Variants in REEP5 observed in about 807,000 individuals in gnomAD.
REEP5 encodes the protein receptor expression-enhancing protein 5.
In REEP5, 24 loss-of-function variants were observed where a neutral mutation model predicts 22.4. That is an observed-to-expected ratio of 1.07 (90% CI 0.78 to 1.51). The LOEUF is 1.51. Ranked by LOEUF, REEP5 falls within the 40% of genes most tolerant of loss-of-function variation. The pLI is 0.00. For missense variants in REEP5, 252 were observed against 233.0 expected (o/e 1.08, Z -0.53); for synonymous variants, 103 against 88.6 (o/e 1.16, Z -0.92).
chr5:112,886,943 G>T (rs1183796142), intron 4 of REEP5, 72 bp downstream of exon 4: 2 of 1,161,822 alleles, frequency 1.7e-6, no homozygotes, highest in African/African-American at 3.1e-5. Context: ...AGAAGGCCAG[G>T]AAGCCTGTTA....
At chr5:112,889,138 C>A (rs1227998762) in intron 3 of REEP5, among the ~76,000 whole-genome samples, 4 of 150,782 alleles carry the variant, frequency 2.7e-5, no homozygotes, top group African/African-American at 9.9e-5. Flanking sequence ...AAACCTCTTT[C>A]CTTTATAAAT....
chr5:112,893,094 T>TTAAAAAAAAAAA (rs781185558), intron 3 of REEP5: 3 of 501,520 alleles, frequency 6.0e-6, no homozygotes, highest in Non-Finnish European at 9.5e-6. Context: ...GTTTTGTTCT[T>TTAAAAAAAAAAA]AAAAAAAAAA....
chr5:112,891,343 G>C (rs1170996844), intron 3 of REEP5, among the ~76,000 whole-genome samples: 1 of 152,100 alleles, frequency 6.6e-6, no homozygotes, highest in Non-Finnish European at 1.5e-5. Flanking sequence ...AAAGTGCTGG[G>C]ATTACAGGAG....
intron 4 of REEP5, among the ~76,000 whole-genome samples, chr5:112,881,256 AAG>A (rs1451798048): frequency 6.6e-6 from 1 of 152,134 alleles, no homozygotes; most frequent in Non-Finnish European, 1.5e-5. Context: ...GAGTCCAGAG[AAG>A]AGAGGTCTGT....
intron 4 of REEP5, among the ~76,000 whole-genome samples, chr5:112,883,379 A>G (rs568615759): frequency 1.3e-5 from 2 of 152,326 alleles, no homozygotes; most frequent in South Asian, 2.1e-4. Context: ...TGACCTGTTG[A>G]CAGCATGTAA....
At chr5:112,893,266 C>T (rs1768557568) in intron 3 of REEP5, 1 of 277,492 alleles carries the variant, frequency 3.6e-6, no homozygotes, top group African/African-American at 2.3e-5. Flanking sequence ...AAAAATTAGC[C>T]AGGTGTGGTG....
intron 2 of REEP5, among the ~76,000 whole-genome samples, chr5:112,905,621 T>C (rs1004416084): frequency 6.7e-6 from 1 of 149,994 alleles, no homozygotes; most frequent in Non-Finnish European, 1.5e-5. Flanking sequence ...TTTAAAAAGA[T>C]TGATTGATTG....
chr5:112,901,946 G>A (rs1291128086), intron 3 of REEP5, among the ~76,000 whole-genome samples: 3 of 145,430 alleles, frequency 2.1e-5, no homozygotes, highest in African/African-American at 7.7e-5. Context: ...CTGGGCGACG[G>A]AGCAAGACTC....
intron 3 of REEP5, chr5:112,894,518 G>C (rs964587924): frequency 6.6e-6 from 1 of 152,218 alleles, no homozygotes; most frequent in African/African-American, 2.4e-5. Flanking sequence ...ATTATGATAT[G>C]CAGGAAATGT....
chr5:112,882,511 G>A (rs1267090887), intron 4 of REEP5, among the ~76,000 whole-genome samples: 2 of 152,196 alleles, frequency 1.3e-5, no homozygotes, highest in Admixed American at 1.3e-4. Flanking sequence ...CTATACCCAT[G>A]TAGCTGAGTA....
At chr5:112,880,757 A>G (rs1768049205) in intron 4 of REEP5, among the ~76,000 whole-genome samples, 1 of 152,206 alleles carries the variant, frequency 6.6e-6, no homozygotes, top group African/African-American at 2.4e-5. Context: ...ATGTGGGTGA[A>G]GTAGACAGAA....
chr5:112,904,354 A>G (rs1020346729), intron 2 of REEP5, among the ~76,000 whole-genome samples: 2 of 152,172 alleles, frequency 1.3e-5, no homozygotes, highest in Non-Finnish European at 2.9e-5. Context: ...CATTTGGTAT[A>G]GTATGGCTTA....
At chr5:112,905,366 C>T (rs1768932341) in intron 2 of REEP5, among the ~76,000 whole-genome samples, 1 of 151,966 alleles carries the variant, frequency 6.6e-6, no homozygotes, top group Admixed American at 6.6e-5. Flanking sequence ...CATGGTGAAA[C>T]CCCACCTCTA....
chr5:112,908,163 C>G (rs1042378613), intron 2 of REEP5, among the ~76,000 whole-genome samples: 1 of 143,858 alleles, frequency 7.0e-6, no homozygotes, highest in African/African-American at 2.6e-5. Flanking sequence ...TGCAGTGGCA[C>G]GATCTCGGCT....
intron 3 of REEP5, chr5:112,892,518 C>T (rs753295182): frequency 3.3e-5 from 54 of 1,614,058 alleles, no homozygotes; most frequent in South Asian, 1.8e-4. Flanking sequence ...CTCTGTTTAA[C>T]GGACGATGGT....
At chr5:112,884,566 C>T (rs931463439) in intron 4 of REEP5, among the ~76,000 whole-genome samples, 2 of 151,840 alleles carry the variant, frequency 1.3e-5, no homozygotes, top group East Asian at 1.9e-4. Flanking sequence ...TTGTAGAGAG[C>T]GGGTCTCCAT....
intron 1 of REEP5, 127 bp from the exon 2 acceptor site, chr5:112,921,383 G>C: frequency 1.1e-6 from 1 of 882,694 alleles, no homozygotes. Flanking sequence ...AAAGGAGCGA[G>C]AAAAACAAAC....
Position 112,892,897 on chromosome 5 carries a change from C to T in REEP5, c.352-5714G>A, listed in dbSNP as rs775090548. 2.9e-5 allele frequency: 46 copies of T among 1,610,256 alleles called. No homozygotes were observed. In the Middle Eastern group the frequency reaches 4.6e-3, roughly 161 times the overall value. ...ATCTCACAAACGCACATCAAAGAGTCGGGAGAGGCACAATTCACCAAGCAG... is the reference window on the plus strand; with the variant it reads ...ATCTCACAAACGCACATCAAAGAGTTGGGAGAGGCACAATTCACCAAGCAG... On this transcript the variant is annotated intron_variant, in intron 3 of 4. Coordinates refer to ENST00000379638, the MANE Select transcript of REEP5 (RefSeq NM_005669.5).
chr5:112,909,980 T>C (rs1769057423), intron 2 of REEP5, among the ~76,000 whole-genome samples: 1 of 152,168 alleles, frequency 6.6e-6, no homozygotes, highest in Non-Finnish European at 1.5e-5. Context: ...GTGACAATGA[T>C]GTGTCAATGT....
Sources: gnomAD v4.1 joint callset for allele counts (sites outside exome capture counted in the v4.1 genomes callset) on GRCh38, gnomAD v4.1.1 for gene constraint, MANE v1.5 for transcripts, NCBI Gene and HGNC (gene_info 2026-07-23, HGNC 2026-07-21) for gene names.